Variants in FOXP2 observed in about 807,000 individuals in gnomAD.
FOXP2 encodes the protein forkhead box P2, also known as forkhead box protein P2.
A neutral mutation model predicts 115.8 loss-of-function variants in FOXP2; 12 were observed. The observed-to-expected ratio is 0.10, with a 90% CI of 0.07 to 0.17. The LOEUF (loss-of-function observed/expected upper bound fraction) is 0.17. Among genes scored for constraint, FOXP2 ranks in the 10% least tolerant of loss-of-function variants. The pLI is 1.00. For synonymous variants in FOXP2, 328 were observed against 297.7 expected (o/e 1.10, Z -1.05); for missense variants, 629 against 843.5 (o/e 0.75, Z 3.15).
chr7:114,353,278 C>A (rs537790118), intron 2 of FOXP2, among the ~76,000 whole-genome samples: 2 of 148,610 alleles, frequency 1.3e-5, no homozygotes, highest in African/African-American at 4.9e-5. Context: ...TTTCCACAAA[C>A]TTTTCCTCCG....
chr7:114,578,457 G>A (rs1303720819), intron 3 of FOXP2, among the ~76,000 whole-genome samples: 2 of 152,054 alleles, frequency 1.3e-5, no homozygotes, highest in Non-Finnish European at 1.5e-5. Flanking sequence ...AAGTGTTAAA[G>A]AATAAAAGTG....
At chr7:114,526,281 A>G (rs1264785551) in intron 2 of FOXP2, among the ~76,000 whole-genome samples, 1 of 151,140 alleles carries the variant, frequency 6.6e-6, no homozygotes, top group Non-Finnish European at 1.5e-5. Flanking sequence ...ATTCGAGATC[A>G]GCCTGGCCAA....
At chr7:114,443,536 A>G (rs1184410112) in intron 2 of FOXP2, among the ~76,000 whole-genome samples, 1 of 152,120 alleles carries the variant, frequency 6.6e-6, no homozygotes, top group Non-Finnish European at 1.5e-5. Flanking sequence ...GCTAATAAGC[A>G]TAGTACCCTA....
chr7:114,358,299 C>A (rs2129187083), intron 2 of FOXP2, among the ~76,000 whole-genome samples: 1 of 152,248 alleles, frequency 6.6e-6, no homozygotes, highest in Non-Finnish European at 1.5e-5. Flanking sequence ...TTCATTAAAC[C>A]TGTTTGTCTT....
chr7:114,294,735 G>A (rs1422210171), intron 2 of FOXP2, among the ~76,000 whole-genome samples: 1 of 151,978 alleles, frequency 6.6e-6, no homozygotes, highest in African/African-American at 2.4e-5. Flanking sequence ...CAGCTACTCA[G>A]GAGGCTGAGG....
intron 1 of FOXP2, among the ~76,000 whole-genome samples, chr7:114,163,754 A>T (rs1792899887): frequency 6.6e-6 from 1 of 152,216 alleles, no homozygotes; most frequent in Admixed American, 6.5e-5. Flanking sequence ...TAGGACAATT[A>T]CTTAGGAAGA....
chr7:114,518,773 T>C (rs1036927627), intron 2 of FOXP2, among the ~76,000 whole-genome samples: 4 of 152,192 alleles, frequency 2.6e-5, no homozygotes, highest in African/African-American at 9.6e-5. Flanking sequence ...CCCAAAGTGC[T>C]GGGATTATGG....
In FOXP2 at chr7:114,414,919, C is replaced by G. The variant is rs1452431562; in HGVS notation, c.-452C>G. 1 of 382,956 alleles carries G rather than the reference C, an allele frequency of 2.6e-6. No individual in the cohort carries two copies. Among genetic ancestry groups the G allele is most frequent in the Non-Finnish European group, 5.2e-6 (1 of 191,124 alleles). The allele number at this position is 382,956 out of a possible 1,614,324, so 23.7% of individuals were successfully genotyped here. A position where few individuals can be genotyped will look rare whatever the true frequency, so the allele number is the denominator to read the frequency against. The stretch of plus-strand genomic sequence containing the variant: ...ACACACACACTCACACACTCACACA[C>G]ATGCACACACACACATACACACACA... On this transcript the variant is annotated 5_prime_UTR_variant, in exon 1 of 17. Transcript: ENST00000350908.
At chr7:114,647,462 CTT>C (rs1445716642) in intron 8 of FOXP2, among the ~76,000 whole-genome samples, 1 of 151,512 alleles carries the variant, frequency 6.6e-6, no homozygotes, top group Admixed American at 6.6e-5. Flanking sequence ...TTGAGGCACT[CTT>C]TTCCATTGGA....
chr7:114,319,968 A>T (rs1797377252), intron 2 of FOXP2, among the ~76,000 whole-genome samples: 1 of 152,282 alleles, frequency 6.6e-6, no homozygotes, highest in South Asian at 2.1e-4. Flanking sequence ...GTCCCTGGGA[A>T]ATCTACTCAT....
intron 2 of FOXP2, among the ~76,000 whole-genome samples, chr7:114,453,944 G>A (rs1183728748): frequency 6.6e-6 from 1 of 152,012 alleles, no homozygotes; most frequent in African/African-American, 2.4e-5. Context: ...TTACCATTCA[G>A]GACATAGGCA....
intron 1 of FOXP2, among the ~76,000 whole-genome samples, chr7:114,251,542 T>C (rs1290845345): frequency 1.3e-5 from 2 of 152,200 alleles, no homozygotes; most frequent in Admixed American, 6.5e-5. Context: ...CCTGGGTATT[T>C]TATTCTCTTT....
At chr7:114,418,588 A>G (rs1793458059) in intron 1 of FOXP2, among the ~76,000 whole-genome samples, 1 of 151,860 alleles carries the variant, frequency 6.6e-6, no homozygotes, top group Non-Finnish European at 1.5e-5. Flanking sequence ...CACAGAACAG[A>G]CGTCATGAAG....
intron 1 of FOXP2, among the ~76,000 whole-genome samples, chr7:114,131,519 A>G (rs1265608738): frequency 1.3e-5 from 2 of 152,180 alleles, no homozygotes; most frequent in African/African-American, 4.8e-5. Flanking sequence ...CTAGAATATT[A>G]TAACTACATT....
chr7:114,170,938 A>C (rs978930242), intron 1 of FOXP2, among the ~76,000 whole-genome samples: 1 of 152,268 alleles, frequency 6.6e-6, no homozygotes, highest in African/African-American at 2.4e-5. Flanking sequence ...CAATGTGGAT[A>C]GAACAACCTT....
intron 1 of FOXP2, among the ~76,000 whole-genome samples, chr7:114,274,939 ATGCTTG>A (rs1350906755): frequency 6.6e-6 from 1 of 151,890 alleles, no homozygotes; most frequent in Non-Finnish European, 1.5e-5. Context: ...GCAGGCTACC[ATGCTTG>A]GCCCCTCTCA....
At chr7:114,288,217 T>C (rs1466384521) in intron 2 of FOXP2, 2 of 401,264 alleles carry the variant, frequency 5.0e-6, no homozygotes, top group African/African-American at 4.2e-5. Context: ...TTTGCCCAAA[T>C]GTTAAGAAGT....
intron 2 of FOXP2, among the ~76,000 whole-genome samples, chr7:114,292,809 G>T (rs1384455930): frequency 6.6e-6 from 1 of 152,052 alleles, no homozygotes; most frequent in African/African-American, 2.4e-5. Flanking sequence ...TTACAATGTT[G>T]CATATAATAG....
At chr7:114,237,004 G>T (rs1456099939) in intron 1 of FOXP2, among the ~76,000 whole-genome samples, 4 of 152,024 alleles carry the variant, frequency 2.6e-5, no homozygotes, top group Non-Finnish European at 5.9e-5. Flanking sequence ...AAATACTAAA[G>T]TCAAAGTAAG....
Sources: gnomAD v4.1 joint callset for allele counts (sites outside exome capture counted in the v4.1 genomes callset) on GRCh38, gnomAD v4.1.1 for gene constraint, MANE v1.5 for transcripts, NCBI Gene and HGNC (gene_info 2026-07-23, HGNC 2026-07-21) for gene names.